FRMPD2: variants seen among roughly 807,000 people sequenced by gnomAD.
The protein encoded by FRMPD2 is FERM and PDZ domain-containing protein 2.
A neutral mutation model predicts 140.1 loss-of-function variants in FRMPD2; 96 were observed. The ratio of observed to expected loss-of-function variants is 0.69; its 90% CI spans 0.58 to 0.81. The LOEUF (loss-of-function observed/expected upper bound fraction) is 0.81, where lower values mean the gene tolerates loss of function less well. FRMPD2 is among the 40% of genes least tolerant of loss of function. The pLI is 0.00. For synonymous variants in FRMPD2, 449 were observed against 547.6 expected, an observed-to-expected ratio of 0.82 and a Z score of 2.52; for missense variants, 1,240 against 1,447.4, an observed-to-expected ratio of 0.86 and a Z score of 2.32.
chr10:48,241,075 C>CCTCA (rs112919841), intron 5 of FRMPD2, among the ~76,000 whole-genome samples: 17,109 of 152,140 alleles, frequency 0.11, 986 homozygotes, highest in South Asian at 0.13. Flanking sequence ...GGATGGTAGA[C>CCTCA]CTCAGTATCT....
chr10:48,196,372 G>A (rs1838950601), intron 15 of FRMPD2, among the ~76,000 whole-genome samples: 1 of 152,224 alleles, frequency 6.6e-6, no homozygotes, highest in Admixed American at 6.5e-5. Flanking sequence ...TCACTCTGAA[G>A]GCTGAGAAGG....
chr10:48,230,943 C>T (rs1839835446), intron 10 of FRMPD2, among the ~76,000 whole-genome samples: 1 of 152,190 alleles, frequency 6.6e-6, no homozygotes, highest in Non-Finnish European at 1.5e-5. Flanking sequence ...AAATGACAAC[C>T]AACACCTATG....
chr10:48,216,206 C>A (rs1198040443), intron 12 of FRMPD2, among the ~76,000 whole-genome samples: 3 of 151,928 alleles, frequency 2.0e-5, no homozygotes, highest in Admixed American at 6.6e-5. Flanking sequence ...TCTAATACAT[C>A]TCTAGATAGA....
chr10:48,254,769 G>C (rs925955361), intron 1 of FRMPD2, among the ~76,000 whole-genome samples: 3 of 152,196 alleles, frequency 2.0e-5, no homozygotes, highest in African/African-American at 7.2e-5. Flanking sequence ...AAGTGACTTG[G>C]CCAGTGTCAC....
chr10:48,212,724 C>T lies in FRMPD2; in HGVS notation c.1456-615G>A, dbSNP rs77230649. On this transcript the variant is annotated intron_variant, in intron 12 of 28. Transcript: ENST00000374201. Reference sequence around the variant, plus strand: ...CCTGGAAAAGGGGAGACTGGATACCCCCAGCCCACCTTCATCAAGTCTGTT... The same window carrying T: ...CCTGGAAAAGGGGAGACTGGATACCTCCAGCCCACCTTCATCAAGTCTGTT... 5.0e-3 allele frequency among the ~76,000 whole-genome samples: 755 copies of T among 152,266 alleles called. 28 individuals carry two copies. The East Asian group carries it at 0.1, about 21-fold the overall frequency.
chr10:48,219,515 G>A (rs185424914), intron 12 of FRMPD2, among the ~76,000 whole-genome samples: 5 of 152,106 alleles, frequency 3.3e-5, no homozygotes, highest in Admixed American at 1.3e-4. Flanking sequence ...CACACTGCTC[G>A]GTCTCTGTTG....
chr10:48,193,576 T>A (rs560676758), intron 15 of FRMPD2, among the ~76,000 whole-genome samples: 1 of 152,258 alleles, frequency 6.6e-6, no homozygotes, highest in African/African-American at 2.4e-5. Flanking sequence ...ATAAAAAAAA[T>A]GGGATTTGAA....
chr10:48,161,538 A>G (rs1169119028), intron 28 of FRMPD2, among the ~76,000 whole-genome samples: 1 of 151,918 alleles, frequency 6.6e-6, no homozygotes, highest in Admixed American at 6.6e-5. Flanking sequence ...GCTTGAATTT[A>G]TGAGCCATGC....
chr10:48,201,594 T>C, intron 14 of FRMPD2: 4 of 465,524 alleles, frequency 8.6e-6, no homozygotes, highest in Non-Finnish European at 1.5e-5. Flanking sequence ...ATCAATCAAA[T>C]TGTTTATCAA....
At chr10:48,200,231 G>C (rs1839054187) in intron 15 of FRMPD2, among the ~76,000 whole-genome samples, 1 of 151,444 alleles carries the variant, frequency 6.6e-6, no homozygotes, top group African/African-American at 2.4e-5. Context: ...GCTGACTAGA[G>C]GTCACACAGG....
chr10:48,230,813 A>C lies in FRMPD2; in HGVS notation c.1168+1302T>G, dbSNP rs375416476. Among the ~76,000 whole-genome samples the C allele has an allele frequency of 3.9e-5, 6 of 152,302 alleles. No individual in the cohort carries two copies. The East Asian group carries it at 9.6e-4, about 24-fold the overall frequency. The stretch of plus-strand genomic sequence containing the variant: ...AGAACAAGAACTTCTCTGTTCCTAA[A>C]GCCCTATAAACTGAAGCTGAACAAC... On this transcript the variant is annotated intron_variant, in intron 10 of 28. Transcript: ENST00000374201.
intron 1 of FRMPD2, among the ~76,000 whole-genome samples, chr10:48,268,593 C>A (rs894225107): frequency 2.0e-5 from 3 of 152,180 alleles, no homozygotes; most frequent in African/African-American, 7.2e-5. Context: ...ACTATTGATA[C>A]GTGCAACAGC....
intron 17 of FRMPD2, 35 bp downstream of exon 17, chr10:48,187,157 C>T: frequency 6.7e-7 from 1 of 1,490,488 alleles, no homozygotes; most frequent in Non-Finnish European, 9.3e-7. Flanking sequence ...GTAGGGGTTC[C>T]TCCACCCAAG....
At chr10:48,206,513 G>C (rs184124555) in intron 14 of FRMPD2, among the ~76,000 whole-genome samples, 12 of 152,284 alleles carry the variant, frequency 7.9e-5, no homozygotes, top group Admixed American at 2.0e-4. Flanking sequence ...ATATGTGGAG[G>C]TCCAGGCAAG....
intron 1 of FRMPD2, among the ~76,000 whole-genome samples, chr10:48,263,557 C>A (rs1239602407): frequency 6.6e-6 from 1 of 152,012 alleles, no homozygotes; most frequent in Admixed American, 6.6e-5. Flanking sequence ...ATGAAACGGA[C>A]CAATTCCTTG....
chr10:48,240,432 T>C lies in FRMPD2; in HGVS notation c.628A>G (p.Arg210Gly), dbSNP rs752672963. ...CTGCTTGTCCCACGCAGCCTCTTCC[T>C]GAGCAGGTAGCTTCTGTTCTGCTGC... Reference protein sequence around the residue: ...SVQQNRSYLLRKRLRGTSSES... With the variant: ...SVQQNRSYLLGKRLRGTSSES... The change falls in exon 6 of 29, where the codon AGG becomes GGG. Residue 210 changes from arginine (R) to glycine (G), a missense_variant. Around this residue, in one of 6 missense-constraint regions of FRMPD2, gnomAD observed 1,161 missense variants for 1,055.9 expected, o/e 1.10. Transcript: ENST00000374201. 3 of 1,613,758 alleles carry C rather than the reference T, an allele frequency of 1.9e-6. No individual in the cohort carries two copies. Among genetic ancestry groups the C allele is most frequent in the Non-Finnish European group, 2.5e-6 (3 of 1,180,030 alleles).
chr10:48,204,359 A>C (rs893023256), intron 14 of FRMPD2, among the ~76,000 whole-genome samples: 1 of 152,164 alleles, frequency 6.6e-6, no homozygotes, highest in African/African-American at 2.4e-5. Flanking sequence ...GCAGCAAATA[A>C]CTCTGTTGCA....
At chr10:48,177,666 T>C (rs1167185373) in intron 22 of FRMPD2, 3 of 191,596 alleles carry the variant, frequency 1.6e-5, no homozygotes, top group African/African-American at 2.3e-5. Context: ...GACAGTGGAC[T>C]GCCCCACCCA....
chr10:48,263,257 A>G lies in FRMPD2; in HGVS notation c.25+11286T>C, dbSNP rs75947795. On this transcript the variant is annotated intron_variant, in intron 1 of 28. Transcript: ENST00000374201. ...TAATCTAACCTTCCACCTTTAGTAA[A>G]CTACAGAAAAAATAACAGCATGAAC... Among the ~76,000 whole-genome samples, 1,065 of 152,256 alleles carry G rather than the reference A, an allele frequency of 7.0e-3. 10 individuals are homozygous for G. Among genetic ancestry groups the G allele is most frequent in the African/African-American group, 0.024 (1,012 of 41,574 alleles).
Sources: allele counts gnomAD v4.1 joint callset (sites outside exome capture counted in the v4.1 genomes callset), GRCh38; gene constraint gnomAD v4.1.1; regional missense constraint gnomAD v4.1.1; transcripts MANE v1.5; gene names NCBI Gene and HGNC (gene_info 2026-07-23, HGNC 2026-07-21).